SGMS1: variants seen among roughly 807,000 people sequenced by gnomAD.
SGMS1 encodes sphingomyelin synthase 1, also known as phosphatidylcholine:ceramide cholinephosphotransferase 1.
SGMS1 carries 13 observed loss-of-function variants against 46.2 expected under a neutral mutation model. That is an observed-to-expected ratio of 0.28 (90% confidence interval 0.18 to 0.45). The LOEUF is 0.45. Among genes scored for constraint, SGMS1 ranks in the 20% least tolerant of loss-of-function variants. SGMS1 has a pLI of 1.00. For synonymous variants in SGMS1, 203 were observed against 187.8 expected (o/e 1.08, Z -0.66); for missense variants, 324 against 519.9 (o/e 0.62, Z 3.66).
intron 2 of SGMS1, among the ~76,000 whole-genome samples, chr10:50,560,471 A>T (rs1372755722): frequency 7.1e-6 from 1 of 141,602 alleles, no homozygotes; most frequent in Non-Finnish European, 1.5e-5. Flanking sequence ...CATATAATAC[A>T]TATATGTAAT....
rs764341230 is a variant in SGMS1, at chr10:50,539,915, T to C, written c.-588-19994A>G. Among the ~76,000 whole-genome samples, 52 of 152,332 alleles carry C rather than the reference T, an allele frequency of 3.4e-4. 1 individual carries two copies. Among genetic ancestry groups the C allele is most frequent in the Non-Finnish European group, 4.4e-4 (30 of 68,026 alleles). On this transcript the variant is annotated intron_variant, in intron 2 of 10. Coordinates refer to ENST00000361781, the MANE Select transcript of SGMS1 (RefSeq NM_147156.4). ...TAAGCCTATGCAACTGAAAGTTTAA[T>C]TTATGTGTATATAAAATTTACATTT...
intron 6 of SGMS1, among the ~76,000 whole-genome samples, chr10:50,376,161 C>A (rs541873622): frequency 6.6e-6 from 1 of 152,226 alleles, no homozygotes; most frequent in African/African-American, 2.4e-5. Flanking sequence ...CAATGTACCA[C>A]AAGCCATGTC....
At chr10:50,550,051 G>A (rs2133830768) in intron 2 of SGMS1, among the ~76,000 whole-genome samples, 2 of 152,278 alleles carry the variant, frequency 1.3e-5, no homozygotes, top group East Asian at 3.9e-4. Flanking sequence ...AATTAAAAAT[G>A]CAGACTCCAT....
At chr10:50,448,151 G>A (rs1209630574) in intron 5 of SGMS1, among the ~76,000 whole-genome samples, 2 of 152,242 alleles carry the variant, frequency 1.3e-5, no homozygotes, top group East Asian at 3.9e-4. Flanking sequence ...GGGAAGCTGA[G>A]GCAGGAGGAT....
intron 2 of SGMS1, among the ~76,000 whole-genome samples, chr10:50,529,498 TATTA>T (rs1162029922): frequency 6.6e-6 from 1 of 152,172 alleles, no homozygotes; most frequent in African/African-American, 2.4e-5. Flanking sequence ...GAGGATTACT[TATTA>T]TTAAACTGCT....
intron 6 of SGMS1, among the ~76,000 whole-genome samples, chr10:50,370,024 T>C (rs1235543676): frequency 6.6e-6 from 1 of 152,178 alleles, no homozygotes; most frequent in African/African-American, 2.4e-5. Flanking sequence ...GAAAAGGTAC[T>C]GTAAAAATAT....
At chr10:50,580,043 CTT>C (rs1838418898) in intron 2 of SGMS1, among the ~76,000 whole-genome samples, 1 of 152,108 alleles carries the variant, frequency 6.6e-6, no homozygotes, top group African/African-American at 2.4e-5. Flanking sequence ...CATAGAAAAA[CTT>C]TAAAAGACAC....
chr10:50,385,958 C>T (rs1336390711), intron 6 of SGMS1, among the ~76,000 whole-genome samples: 1 of 152,076 alleles, frequency 6.6e-6, no homozygotes, highest in Non-Finnish European at 1.5e-5. Flanking sequence ...TTGCTAGACC[C>T]TCTTGTGGGG....
At chr10:50,605,217 T>C (rs1007403670) in intron 1 of SGMS1, among the ~76,000 whole-genome samples, 2 of 152,146 alleles carry the variant, frequency 1.3e-5, no homozygotes, top group Non-Finnish European at 2.9e-5. Flanking sequence ...ACCACCCAGA[T>C]TTGGGAAAAA....
chr10:50,606,600 A>G (rs1838696339), intron 1 of SGMS1, among the ~76,000 whole-genome samples: 1 of 152,250 alleles, frequency 6.6e-6, no homozygotes, highest in Admixed American at 6.5e-5. Context: ...AGAATCTACC[A>G]AAGTTGTCTT....
At chr10:50,443,706 A>G (rs1302620795) in intron 5 of SGMS1, among the ~76,000 whole-genome samples, 1 of 152,106 alleles carries the variant, frequency 6.6e-6, no homozygotes, top group Non-Finnish European at 1.5e-5. Flanking sequence ...GGAATGAGGA[A>G]CCTTGGAAAT....
rs142929327 is a variant in SGMS1, at chr10:50,365,937, T to C, written c.-231-21592A>G. On this transcript the variant is annotated intron_variant, in intron 6 of 10. Transcript: ENST00000361781. ...CTAGAATGATTTATATTCCTTTGGG[T>C]ATATACCCAGTAATATACTGGGTCA... Among the ~76,000 whole-genome samples the C allele has an allele frequency of 6.5e-3, 995 of 152,320 alleles. 7 individuals are homozygous for C. Among genetic ancestry groups the C allele is most frequent in the African/African-American group, 0.023 (938 of 41,554 alleles).
intron 6 of SGMS1, among the ~76,000 whole-genome samples, chr10:50,382,777 T>C (rs1848626096): frequency 2.0e-5 from 3 of 152,204 alleles, no homozygotes; most frequent in African/African-American, 7.2e-5. Context: ...AAATTGAATT[T>C]CATACGACTG....
At chr10:50,366,342 C>A (rs911120467) in intron 6 of SGMS1, among the ~76,000 whole-genome samples, 1 of 152,200 alleles carries the variant, frequency 6.6e-6, no homozygotes, top group Non-Finnish European at 1.5e-5. Flanking sequence ...AACGCTTTTA[C>A]ACTGTTGGTG....
intron 5 of SGMS1, among the ~76,000 whole-genome samples, chr10:50,446,115 C>A (rs932625676): frequency 2.0e-5 from 3 of 152,158 alleles, no homozygotes; most frequent in African/African-American, 7.2e-5. Flanking sequence ...TTATCAATGA[C>A]AATGCGTGCC....
intron 2 of SGMS1, among the ~76,000 whole-genome samples, chr10:50,587,633 A>G (rs3011709): frequency 0.33 from 45,117 of 138,294 alleles, 7,987 homozygotes; most frequent in Non-Finnish European, 0.39. Flanking sequence ...CAAAATATAT[A>G]TGTGTGTGTG....
intron 1 of SGMS1, among the ~76,000 whole-genome samples, chr10:50,607,113 G>C (rs1838704658): frequency 6.6e-6 from 1 of 151,364 alleles, no homozygotes; most frequent in Non-Finnish European, 1.5e-5. Context: ...CAAGTAGCTG[G>C]GACTACAGAT....
chr10:50,525,924 T>C (rs1277095892), intron 2 of SGMS1, among the ~76,000 whole-genome samples: 1 of 152,226 alleles, frequency 6.6e-6, no homozygotes, highest in Non-Finnish European at 1.5e-5. Context: ...TATTAAAACG[T>C]AGAACTCTCA....
At chr10:50,388,600 G>A (rs903119438) in intron 6 of SGMS1, among the ~76,000 whole-genome samples, 3 of 151,748 alleles carry the variant, frequency 2.0e-5, no homozygotes, top group Admixed American at 6.6e-5. Context: ...GCGACAGAGC[G>A]AGACTGTCTC....
Sources: allele counts gnomAD v4.1 joint callset (sites outside exome capture counted in the v4.1 genomes callset), GRCh38; gene constraint gnomAD v4.1.1; transcripts MANE v1.5; gene names NCBI Gene and HGNC (gene_info 2026-07-23, HGNC 2026-07-21).